The following STARD13 variants were observed in gnomAD, a reference collection of about 807,000 sequenced individuals.
STARD13 encodes the protein stAR-related lipid transfer protein 13.
STARD13 carries 62 observed loss-of-function variants against 106.4 expected under a neutral mutation model. That is an observed-to-expected ratio of 0.58 (90% CI 0.48 to 0.72). The LOEUF (loss-of-function observed/expected upper bound fraction) is 0.72. Among genes scored for constraint, STARD13 ranks in the 30% least tolerant of loss-of-function variants. The probability of loss-of-function intolerance (pLI) is 0.00; values close to 1 mark genes in which losing one functional copy is unlikely to be tolerated. For synonymous variants in STARD13, 565 were observed against 553.0 expected, an observed-to-expected ratio of 1.02 and a Z score of -0.31; for missense variants, 1,387 against 1,424.0, an observed-to-expected ratio of 0.97 and a Z score of 0.42.
At chr13:33,662,478 C>T in the STARD13 span, among the ~76,000 whole-genome samples, 1 of 152,160 alleles carries the variant, frequency 6.6e-6, no homozygotes, top group Non-Finnish European at 1.5e-5. Context: ...CCCAAACAGC[C>T]TTGTTGGAGG....
chr13:33,662,397 G>A, the STARD13 span, among the ~76,000 whole-genome samples: 2 of 152,144 alleles, frequency 1.3e-5, no homozygotes. Context: ...TAAAAATGAA[G>A]TAAAAATTTG....
the STARD13 span, among the ~76,000 whole-genome samples, chr13:33,597,823 C>T: frequency 6.6e-6 from 1 of 151,088 alleles, no homozygotes; most frequent in African/African-American, 2.4e-5. Flanking sequence ...CACTGCACTC[C>T]AGTCTGGGCA....
the STARD13 span, among the ~76,000 whole-genome samples, chr13:33,609,557 ATTTC>A: frequency 2.7e-4 from 41 of 149,400 alleles, no homozygotes; most frequent in Non-Finnish European, 4.6e-4. Flanking sequence ...TCTACTTCTA[ATTTC>A]TTTCTTTCTT....
chr13:33,224,784 C>T (rs778030628), intron 1 of STARD13, among the ~76,000 whole-genome samples: 7 of 152,208 alleles, frequency 4.6e-5, no homozygotes, highest in Admixed American at 1.3e-4. Flanking sequence ...CTTCAGAAAA[C>T]AACATCAGCA....
intron 1 of STARD13, among the ~76,000 whole-genome samples, chr13:33,224,637 T>C (rs1430025080): frequency 6.6e-6 from 1 of 152,248 alleles, no homozygotes; most frequent in Admixed American, 6.5e-5. Context: ...GCTAGTCACA[T>C]AGCCATGCCT....
chr13:33,148,732 T>A (rs1232381991), intron 3 of STARD13, among the ~76,000 whole-genome samples: 1 of 152,212 alleles, frequency 6.6e-6, no homozygotes, highest in Non-Finnish European at 1.5e-5. Context: ...TTTACTCAAA[T>A]GAATGGAAAA....
intron 1 of STARD13, among the ~76,000 whole-genome samples, chr13:33,175,000 G>A (rs1884365953): frequency 6.6e-6 from 1 of 152,094 alleles, no homozygotes; most frequent in African/African-American, 2.4e-5. Context: ...AAGTGAATGA[G>A]GAAACTCATC....
chr13:33,481,174 G>T, the STARD13 span, among the ~76,000 whole-genome samples: 5 of 151,726 alleles, frequency 3.3e-5, no homozygotes, highest in African/African-American at 1.2e-4. Flanking sequence ...TTTCCAATAT[G>T]AATTGTACCA....
At chr13:33,331,942 T>C (rs1437803260) in intron 1 of STARD13, among the ~76,000 whole-genome samples, 4 of 152,184 alleles carry the variant, frequency 2.6e-5, no homozygotes, top group African/African-American at 9.7e-5. Context: ...ATTGAGACAT[T>C]AACTAAATTT....
At chr13:33,200,014 T>C (rs1321128919) in intron 1 of STARD13, among the ~76,000 whole-genome samples, 4 of 152,252 alleles carry the variant, frequency 2.6e-5, no homozygotes, top group Non-Finnish European at 5.9e-5. Flanking sequence ...GGCATAATCT[T>C]TGCTGAGGCA....
intron 1 of STARD13, among the ~76,000 whole-genome samples, chr13:33,244,062 T>C (rs942120288): frequency 6.0e-5 from 9 of 150,810 alleles, no homozygotes; most frequent in Non-Finnish European, 1.0e-4. Flanking sequence ...TGCTTCAAAA[T>C]CTGAAAGATT....
At chr13:33,648,905 C>T in the STARD13 span, among the ~76,000 whole-genome samples, 3 of 149,244 alleles carry the variant, frequency 2.0e-5, no homozygotes, top group Non-Finnish European at 4.4e-5. Context: ...GATTCTCCTG[C>T]TTCAGCCTTC....
At chr13:33,379,821 T>C in the STARD13 span, among the ~76,000 whole-genome samples, 1 of 152,228 alleles carries the variant, frequency 6.6e-6, no homozygotes, top group Non-Finnish European at 1.5e-5. Flanking sequence ...TTAGTCACTT[T>C]ACTGTGACAA....
intron 1 of STARD13, among the ~76,000 whole-genome samples, chr13:33,324,073 G>A (rs1473064512): frequency 1.3e-5 from 2 of 152,120 alleles, no homozygotes; most frequent in Admixed American, 6.5e-5. Flanking sequence ...TGTTTTCTCT[G>A]TATGTAGAAG....
chr13:33,434,125 G>A, the STARD13 span, among the ~76,000 whole-genome samples: 1 of 152,220 alleles, frequency 6.6e-6, no homozygotes, highest in South Asian at 2.1e-4. Flanking sequence ...CGCCGAGGCA[G>A]GTGGATCACT....
chr13:33,298,946 A>T lies in STARD13; in HGVS notation c.124+51344T>A, dbSNP rs541126687. Reference sequence around the variant, plus strand: ...CCTTACAATATTTTCTGAAGAGCTGATATTTACTTCAGCTTTAAAAATACA... The same window carrying T: ...CCTTACAATATTTTCTGAAGAGCTGTTATTTACTTCAGCTTTAAAAATACA... On this transcript the variant is annotated intron_variant, in intron 1 of 5. Coordinates refer to the STARD13 transcript ENST00000567873. 2.1e-4 allele frequency among the ~76,000 whole-genome samples: 32 copies of T among 152,324 alleles called. 2 individuals are homozygous for T. In the East Asian group the frequency reaches 5.6e-3, roughly 27 times the overall value.
intron 4 of STARD13, among the ~76,000 whole-genome samples, chr13:33,134,625 C>T (rs1404395837): frequency 2.0e-5 from 3 of 152,154 alleles, no homozygotes; most frequent in Admixed American, 2.0e-4. Context: ...AATAATAACA[C>T]ATGTCTAGCA....
chr13:33,188,604 C>A (rs1481691112), intron 1 of STARD13, among the ~76,000 whole-genome samples: 1 of 152,184 alleles, frequency 6.6e-6, no homozygotes, highest in African/African-American at 2.4e-5. Flanking sequence ...CAATACTCAC[C>A]ACACTAAGAT....
chr13:33,523,858 G>GA, the STARD13 span, among the ~76,000 whole-genome samples: 1 of 152,092 alleles, frequency 6.6e-6, no homozygotes. Flanking sequence ...CGAACAGTGG[G>GA]AGACAGACTA....
Sources: allele counts gnomAD v4.1 joint callset (sites outside exome capture counted in the v4.1 genomes callset), GRCh38; gene constraint gnomAD v4.1.1; transcripts MANE v1.5; gene names NCBI Gene and HGNC (gene_info 2026-07-23, HGNC 2026-07-21).